The following CHRM2 variants were observed in gnomAD, a reference collection of about 807,000 sequenced individuals.
CHRM2 encodes muscarinic acetylcholine receptor M2.
Under a neutral mutation model 25.0 loss-of-function variants are expected in CHRM2, and 8 were observed. That is an observed-to-expected ratio of 0.32 (90% CI 0.19 to 0.58). CHRM2 has a LOEUF of 0.58. Among genes scored for constraint, CHRM2 ranks in the 20% least tolerant of loss-of-function variants. CHRM2 has a pLI of 0.88. For synonymous variants in CHRM2, 202 were observed against 205.7 expected (o/e 0.98, Z 0.15); for missense variants, 440 against 567.1 (o/e 0.78, Z 2.28).
intron 3 of CHRM2, among the ~76,000 whole-genome samples, 174 bp from the exon 4 acceptor site, chr7:137,014,646 C>T (rs911399636): frequency 6.6e-6 from 1 of 151,930 alleles, no homozygotes; most frequent in African/African-American, 2.4e-5. Context: ...CTTTTGAATC[C>T]TCCATTTGAA....
At chr7:136,999,008 CT>C (rs1803799033) in intron 3 of CHRM2, among the ~76,000 whole-genome samples, 1 of 152,134 alleles carries the variant, frequency 6.6e-6, no homozygotes, top group Non-Finnish European at 1.5e-5. Flanking sequence ...AAAACCCTCA[CT>C]TAGATACATT....
intron 2 of CHRM2, among the ~76,000 whole-genome samples, chr7:136,958,391 A>C (rs1335217402): frequency 6.7e-6 from 1 of 150,172 alleles, no homozygotes; most frequent in Admixed American, 6.6e-5. Flanking sequence ...TTTCTATTGT[A>C]CTTCTTACAT....
At chr7:136,966,826 T>C (rs1274415698) in intron 2 of CHRM2, among the ~76,000 whole-genome samples, 1 of 151,976 alleles carries the variant, frequency 6.6e-6, no homozygotes, top group African/African-American at 2.4e-5. Context: ...GATGTGTCTA[T>C]GGAATCAGTG....
At chr7:136,970,757 G>GA (rs1234673238) in intron 2 of CHRM2, among the ~76,000 whole-genome samples, 3 of 152,054 alleles carry the variant, frequency 2.0e-5, no homozygotes, top group African/African-American at 7.2e-5. Context: ...ATACCTTAGA[G>GA]AAAAAAGGCC....
chr7:136,920,352 T>C (rs1053178446), intron 2 of CHRM2, among the ~76,000 whole-genome samples: 1 of 152,166 alleles, frequency 6.6e-6, no homozygotes, highest in Admixed American at 6.5e-5. Context: ...TGACCACCCA[T>C]GTTTGCAAGT....
At chr7:137,011,215 G>GTGTGTGTGTGTTTATATATATATA in intron 3 of CHRM2, among the ~76,000 whole-genome samples, 1 of 134,286 alleles carries the variant, frequency 7.4e-6, no homozygotes, top group Non-Finnish European at 1.5e-5. Context: ...GTGTGTGTGT[G>GTGTGTGTGTGTTTATATATATATA]TATATATATA....
rs1219918300 is a variant in CHRM2, at chr7:137,018,553, T to C, written c.*2287T>C. 1 of 151,956 alleles carries C rather than the reference T, an allele frequency of 6.6e-6. No homozygotes were observed. Among genetic ancestry groups the C allele is most frequent in the Non-Finnish European group, 1.5e-5 (1 of 67,914 alleles). The allele number at this position is 151,956 out of a possible 1,614,324, so 9.4% of individuals were successfully genotyped here. On this transcript the variant is annotated 3_prime_UTR_variant, in exon 4 of 4. Coordinates refer to ENST00000680005, the MANE Select transcript of CHRM2 (RefSeq NM_001006630.2). Reference sequence around the variant, plus strand: ...TTTAATGTATTGTATTATTATTATGTAGATTTGGCTTCAGTTGGGAAGAAC... The same window carrying C: ...TTTAATGTATTGTATTATTATTATGCAGATTTGGCTTCAGTTGGGAAGAAC...
chr7:136,958,249 T>C (rs963742055), intron 2 of CHRM2, among the ~76,000 whole-genome samples: 4 of 152,250 alleles, frequency 2.6e-5, no homozygotes, highest in African/African-American at 9.6e-5. Context: ...GAAGAGACAT[T>C]GTCTTTAGCT....
At chr7:136,931,484 G>A (rs2130781210) in intron 2 of CHRM2, among the ~76,000 whole-genome samples, 1 of 152,344 alleles carries the variant, frequency 6.6e-6, no homozygotes, top group African/African-American at 2.4e-5. Context: ...TACTGAGGAA[G>A]CCACGTAATG....
intron 3 of CHRM2, among the ~76,000 whole-genome samples, chr7:137,010,205 G>A (rs1403008590): frequency 2.0e-5 from 3 of 152,042 alleles, no homozygotes; most frequent in Admixed American, 6.6e-5. Flanking sequence ...GCAAAGATTA[G>A]CACCCACACC....
At chr7:136,929,003 C>A (rs907146620) in intron 2 of CHRM2, among the ~76,000 whole-genome samples, 1 of 152,076 alleles carries the variant, frequency 6.6e-6, no homozygotes, top group Non-Finnish European at 1.5e-5. Context: ...TGCTGTTGAT[C>A]CAGGATCACA....
At chr7:136,912,538 A>C (rs1328841689) in intron 2 of CHRM2, among the ~76,000 whole-genome samples, 1 of 151,752 alleles carries the variant, frequency 6.6e-6, no homozygotes, top group African/African-American at 2.4e-5. Flanking sequence ...CCGTCACTCT[A>C]TTTGGTGGGA....
intron 3 of CHRM2, among the ~76,000 whole-genome samples, chr7:137,002,128 T>TTTTTG (rs548471753): frequency 6.6e-6 from 1 of 152,146 alleles, no homozygotes; most frequent in South Asian, 2.1e-4. Flanking sequence ...GCTTTCTGGT[T>TTTTTG]TTTTGTTTTG....
At position 137,019,677 on chromosome 7, in the gene CHRM2, G is replaced by T. The variant is rs1258447261; in HGVS notation, c.*3411G>T. On this transcript the variant is annotated 3_prime_UTR_variant, in exon 4 of 4. Coordinates refer to ENST00000680005, the MANE Select transcript of CHRM2 (RefSeq NM_001006630.2). ...TGTTCATTTCTTCGAAACAAGAAAT[G>T]ATTTTCCTTTTACCAGTTCATCATT... 6.6e-6 allele frequency: 1 copy of T among 151,824 alleles called. No homozygotes were observed. The highest frequency in any genetic ancestry group is 6.6e-5 in the Admixed American group (1 of 15,192). The allele number at this position is 151,824 out of a possible 1,614,324, so 9.4% of individuals were successfully genotyped here.
chr7:137,013,917 C>A (rs1053825279), intron 3 of CHRM2, among the ~76,000 whole-genome samples: 2 of 151,936 alleles, frequency 1.3e-5, no homozygotes, highest in African/African-American at 4.8e-5. Flanking sequence ...TCTTTCTGAG[C>A]CTTAGTTCCT....
chr7:136,968,109 C>T (rs574645991), intron 2 of CHRM2, among the ~76,000 whole-genome samples: 8 of 152,078 alleles, frequency 5.3e-5, no homozygotes, highest in East Asian at 1.9e-4. Flanking sequence ...TTCTGATATA[C>T]GTATATATGG....
intron 2 of CHRM2, among the ~76,000 whole-genome samples, chr7:136,943,570 A>G (rs1310161494): frequency 6.6e-6 from 1 of 152,154 alleles, no homozygotes; most frequent in East Asian, 1.9e-4. Flanking sequence ...ACGGTCGCCA[A>G]GCTAATATTT....
intron 3 of CHRM2, among the ~76,000 whole-genome samples, chr7:137,001,807 A>G (rs1804053670): frequency 6.6e-6 from 1 of 152,182 alleles, no homozygotes. Context: ...ATATTTCCAG[A>G]TAAATGTTTT....
chr7:136,892,741 C>T (rs1164389893), intron 2 of CHRM2, among the ~76,000 whole-genome samples: 1 of 151,070 alleles, frequency 6.6e-6, no homozygotes. Flanking sequence ...ACAATCACAG[C>T]TCACTGCAAC....
Sources: allele counts gnomAD v4.1 joint callset (sites outside exome capture counted in the v4.1 genomes callset), GRCh38; gene constraint gnomAD v4.1.1; transcripts MANE v1.5; gene names NCBI Gene and HGNC (gene_info 2026-07-23, HGNC 2026-07-21).